Variants in ITGA11 observed in about 807,000 individuals in gnomAD.
The protein encoded by ITGA11 is integrin subunit alpha 11, also known as integrin alpha-11.
A neutral mutation model predicts 141.9 loss-of-function variants in ITGA11; 97 were observed. The ratio of observed to expected loss-of-function variants is 0.68; its 90% confidence interval spans 0.58 to 0.81. The LOEUF is 0.81. Among genes scored for constraint, ITGA11 ranks in the 30% least tolerant of loss-of-function variants. ITGA11 has a pLI of 0.00. For synonymous variants in ITGA11, 658 were observed against 624.6 expected, an observed-to-expected ratio of 1.05 and a Z score of -0.80; for missense variants, 1,387 against 1,559.2, an observed-to-expected ratio of 0.89 and a Z score of 1.86.
At chr15:68,350,310 A>G (rs999744810) in intron 9 of ITGA11, among the ~76,000 whole-genome samples, 2 of 152,016 alleles carry the variant, frequency 1.3e-5, no homozygotes, top group Non-Finnish European at 2.9e-5. Context: ...TCAGCTTCCT[A>G]AGTAGCTAGG....
intron 2 of ITGA11, 135 bp downstream of exon 2, chr15:68,402,783 G>A: frequency 1.6e-6 from 1 of 619,994 alleles, no homozygotes; most frequent in South Asian, 1.9e-5. Flanking sequence ...TGACCTGCTG[G>A]GACAGAGTCA....
In ITGA11 at chr15:68,304,151, C is replaced by G. The variant is rs372050924; in HGVS notation, c.3382-266G>C. On this transcript the variant is annotated intron_variant, in intron 28 of 29. Transcript: ENST00000315757. This position sits in a 1 kb window ranked among gnomAD's most constrained non-coding sequence, Gnocchi z 6.1. ...CTTTGGCCTCAGGCCCCCGCCACTCCCTGGATCCTCCTCCCACCACATGGG... is the reference window on the plus strand; with the variant it reads ...CTTTGGCCTCAGGCCCCCGCCACTCGCTGGATCCTCCTCCCACCACATGGG... 6.2e-4 allele frequency among the ~76,000 whole-genome samples: 94 copies of G among 152,338 alleles called. No homozygotes were observed. The highest frequency in any genetic ancestry group is 2.2e-3 in the African/African-American group (90 of 41,574).
intron 2 of ITGA11, among the ~76,000 whole-genome samples, chr15:68,396,078 G>T (rs1352200442): frequency 6.6e-6 from 1 of 151,832 alleles, no homozygotes; most frequent in Non-Finnish European, 1.5e-5. Context: ...CTTGATAAGG[G>T]TATTTCCAAA....
intron 1 of ITGA11, among the ~76,000 whole-genome samples, chr15:68,423,361 G>T (rs1244475959): frequency 6.6e-6 from 1 of 152,094 alleles, no homozygotes; most frequent in Non-Finnish European, 1.5e-5. Flanking sequence ...GAGACCTGAA[G>T]AATAAGTTGG....
At chr15:68,356,287 A>G (rs555688573) in intron 7 of ITGA11, among the ~76,000 whole-genome samples, 110 of 150,630 alleles carry the variant, frequency 7.3e-4, no homozygotes, top group African/African-American at 2.2e-3. Context: ...GTATTTTAGT[A>G]GAGACGGGGT....
intron 7 of ITGA11, among the ~76,000 whole-genome samples, chr15:68,352,665 C>G (rs1894951384): frequency 6.6e-6 from 1 of 152,186 alleles, no homozygotes; most frequent in Non-Finnish European, 1.5e-5. Context: ...TACTTTGATT[C>G]TATTTTGGGA....
intron 2 of ITGA11, among the ~76,000 whole-genome samples, chr15:68,396,839 T>C (rs1393851363): frequency 7.2e-6 from 1 of 139,844 alleles, no homozygotes; most frequent in Admixed American, 7.9e-5. Context: ...ATATATAATA[T>C]GTAATAGTAT....
At chr15:68,310,426 C>T (rs1007208484) in intron 26 of ITGA11, among the ~76,000 whole-genome samples, 3 of 152,096 alleles carry the variant, frequency 2.0e-5, no homozygotes, top group Non-Finnish European at 2.9e-5. Flanking sequence ...AGATTGTTGT[C>T]TGGGGGAAGA....
In ITGA11 at chr15:68,303,057, C is replaced by A. The variant is rs1490665435; in HGVS notation, c.*2G>T. On this transcript the variant is annotated 3_prime_UTR_variant, in exon 30 of 30. Transcript: ENST00000315757. The surrounding 1 kb of genome is among the most constrained non-coding windows in gnomAD (Gnocchi z 5.3). ...CATCAACTCAAAGTCTCCTCTGGAG[C>A]CTCACTCCAGCACTTTGGGGGTGGG... 3 of 1,548,478 alleles carry A rather than the reference C, an allele frequency of 1.9e-6. No homozygotes were observed. Among genetic ancestry groups the A allele is most frequent in the Non-Finnish European group, 2.6e-6 (3 of 1,145,764 alleles).
intron 26 of ITGA11, among the ~76,000 whole-genome samples, chr15:68,310,600 T>C: frequency 6.6e-6 from 1 of 152,238 alleles, no homozygotes; most frequent in East Asian, 1.9e-4. Context: ...ATGTCTCCAA[T>C]ACAAGCCACG....
chr15:68,381,488 C>T (rs1302896689), intron 2 of ITGA11, among the ~76,000 whole-genome samples: 1 of 152,000 alleles, frequency 6.6e-6, no homozygotes, highest in East Asian at 1.9e-4. Context: ...TATTAGGTAC[C>T]AGGGATTGCG....
chr15:68,394,076 C>T (rs1419934312), intron 2 of ITGA11, among the ~76,000 whole-genome samples: 1 of 152,146 alleles, frequency 6.6e-6, no homozygotes. Context: ...TTCAAGACTA[C>T]TATGAACATC....
At chr15:68,318,724 G>A (rs535246300) in intron 20 of ITGA11, among the ~76,000 whole-genome samples, 6 of 151,978 alleles carry the variant, frequency 3.9e-5, no homozygotes, top group African/African-American at 1.4e-4. Context: ...TGTGTGGCAA[G>A]CAAGGGGGGG....
intron 2 of ITGA11, among the ~76,000 whole-genome samples, chr15:68,382,465 G>C (rs962695811): frequency 6.6e-6 from 1 of 152,192 alleles, no homozygotes; most frequent in Non-Finnish European, 1.5e-5. Context: ...ATGGTCTCCA[G>C]ACCCTTTAAC....
intron 15 of ITGA11, among the ~76,000 whole-genome samples, chr15:68,330,095 A>G (rs968784853): frequency 6.6e-6 from 1 of 152,208 alleles, no homozygotes. Flanking sequence ...TTCCGGCTTC[A>G]CTTCTGCTTC....
intron 11 of ITGA11, among the ~76,000 whole-genome samples, chr15:68,337,377 C>T (rs7182350): frequency 0.052 from 7,958 of 152,148 alleles, 694 homozygotes; most frequent in African/African-American, 0.18. Context: ...TATACTGCAC[C>T]CCCAGTGGAG....
At position 68,325,069 on chromosome 15, in the gene ITGA11, G is replaced by A; in HGVS notation, c.2322+62C>T. The A allele has an allele frequency of 8.4e-7, 1 of 1,196,148 alleles. No homozygotes were observed. Among genetic ancestry groups the A allele is most frequent in the Non-Finnish European group, 1.3e-6 (1 of 798,994 alleles). The allele number at this position is 1,196,148 out of a possible 1,614,324, so 74.1% of individuals were successfully genotyped here. A position where few individuals can be genotyped will look rare whatever the true frequency, so the allele number is the denominator to read the frequency against. On this transcript the variant is annotated intron_variant, in intron 18 of 29. Coordinates refer to ENST00000315757, the MANE Select transcript of ITGA11 (RefSeq NM_001004439.2). This position sits in a 1 kb window ranked among gnomAD's most constrained non-coding sequence, Gnocchi z 5.5. ...GGCACACTCAGGCTCTGGGCTTTGGGGTTGAGGTGGAGGTGGGGGTGGGGT... is the reference window on the plus strand; with the variant it reads ...GGCACACTCAGGCTCTGGGCTTTGGAGTTGAGGTGGAGGTGGGGGTGGGGT...
intron 2 of ITGA11, among the ~76,000 whole-genome samples, chr15:68,399,214 G>A (rs1896403775): frequency 6.6e-6 from 1 of 151,958 alleles, no homozygotes; most frequent in Non-Finnish European, 1.5e-5. Flanking sequence ...CAAGAAACAT[G>A]GAAAAATACT....
At chr15:68,343,106 G>T (rs556041781) in intron 10 of ITGA11, among the ~76,000 whole-genome samples, 1 of 151,918 alleles carries the variant, frequency 6.6e-6, no homozygotes, top group Admixed American at 6.5e-5. Flanking sequence ...ATTCTTAGCA[G>T]GGCACTTGGC....
Sources: allele counts gnomAD v4.1 joint callset (sites outside exome capture counted in the v4.1 genomes callset), GRCh38; gene constraint gnomAD v4.1.1; non-coding constraint Gnocchi (gnomAD v3.1); transcripts MANE v1.5; gene names NCBI Gene and HGNC (gene_info 2026-07-23, HGNC 2026-07-21).